Variants in GSE1 observed in about 807,000 individuals in gnomAD.
The protein encoded by GSE1 is genetic suppressor element 1.
In GSE1, 32 loss-of-function variants were observed where a neutral mutation model predicts 112.6. The ratio of observed to expected loss-of-function variants is 0.28; its 90% CI spans 0.21 to 0.38. The LOEUF is 0.38. Ranked by LOEUF, GSE1 falls within the 10% of genes least tolerant of loss-of-function variation. The probability of loss-of-function intolerance (pLI) is 1.00; values close to 1 mark genes in which losing one functional copy is unlikely to be tolerated. For missense variants in GSE1, 2,348 were observed against 1,699.2 expected (o/e 1.38, Z -6.71); for synonymous variants, 1,115 against 735.6 (o/e 1.52, Z -8.35).
chr16:85,615,464 AGGGGAAGCT>A (rs1333543087), intron 1 of GSE1, among the ~76,000 whole-genome samples: 4 of 152,040 alleles, frequency 2.6e-5, no homozygotes, highest in Admixed American at 6.5e-5. Context: ...CAAAGTCAGG[AGGGGAAGCT>A]GGGGAAGCTG....
intron 1 of GSE1, among the ~76,000 whole-genome samples, chr16:85,237,950 TA>T (rs1305236204): frequency 6.6e-6 from 1 of 151,888 alleles, no homozygotes; most frequent in East Asian, 1.9e-4. Flanking sequence ...TGGGACATCG[TA>T]GGAGTTTGCT....
At chr16:85,617,393 G>C (rs2048435635) in intron 1 of GSE1, among the ~76,000 whole-genome samples, 2 of 152,222 alleles carry the variant, frequency 1.3e-5, no homozygotes. Flanking sequence ...GGCTGCACTT[G>C]AGGCTTTTGT....
intron 2 of GSE1, among the ~76,000 whole-genome samples, chr16:85,425,827 A>T (rs1476733815): frequency 6.6e-6 from 1 of 152,250 alleles, no homozygotes; most frequent in Non-Finnish European, 1.5e-5. Flanking sequence ...AGTAAAAGGC[A>T]AGGAAGAATC....
chr16:85,580,927 A>G lies in GSE1; in HGVS notation c.37+24564A>G, dbSNP rs77038294. Among the ~76,000 whole-genome samples, 715 of 152,292 alleles carry G rather than the reference A, an allele frequency of 4.7e-3. 3 individuals are homozygous for G. The highest frequency in any genetic ancestry group is 6.3e-3 in the Non-Finnish European group (426 of 68,028). Reference sequence around the variant, plus strand: ...CAGCCTTAAGAACTATGAGAAAATAAATTTCTGTGTTTAAGCCACGAAGTC... The same window carrying G: ...CAGCCTTAAGAACTATGAGAAAATAGATTTCTGTGTTTAAGCCACGAAGTC... On this transcript the variant is annotated intron_variant, in intron 1 of 2. Transcript: ENST00000635906.
chr16:85,553,556 C>G (rs1004869976), upstream of GSE1, among the ~76,000 whole-genome samples: 4 of 151,988 alleles, frequency 2.6e-5, no homozygotes, highest in Non-Finnish European at 5.9e-5. Context: ...CGGGGCGCAG[C>G]AGCGAGCTTG....
chr16:85,576,918 T>C (rs2046250152), intron 1 of GSE1, among the ~76,000 whole-genome samples: 1 of 152,154 alleles, frequency 6.6e-6, no homozygotes, highest in African/African-American at 2.4e-5. Flanking sequence ...CAACACTGCC[T>C]GGTTTACAAG....
chr16:85,541,647 T>C (rs2044522545), intron 2 of GSE1, among the ~76,000 whole-genome samples: 1 of 152,126 alleles, frequency 6.6e-6, no homozygotes, highest in South Asian at 2.1e-4. Context: ...TGAGGTCCTG[T>C]TTCTGAGTTG....
chr16:85,450,164 C>G (rs1209037260), intron 2 of GSE1, among the ~76,000 whole-genome samples: 1 of 127,760 alleles, frequency 7.8e-6, no homozygotes, highest in African/African-American at 3.0e-5. Context: ...TCTTGTCGCC[C>G]AGGTTGGAGT....
At chr16:85,475,117 C>G (rs535590787) in intron 2 of GSE1, among the ~76,000 whole-genome samples, 1 of 152,202 alleles carries the variant, frequency 6.6e-6, no homozygotes, top group African/African-American at 2.4e-5. Context: ...CTCTGACGGG[C>G]AGTCCCTGCT....
At chr16:85,403,892 C>G (rs1001241136) in intron 2 of GSE1, among the ~76,000 whole-genome samples, 5 of 152,182 alleles carry the variant, frequency 3.3e-5, no homozygotes, top group African/African-American at 1.2e-4. Flanking sequence ...GCTGCACCCC[C>G]TTCAGAGGCT....
intron 2 of GSE1, among the ~76,000 whole-genome samples, chr16:85,514,353 C>G (rs2051847087): frequency 6.7e-6 from 1 of 149,398 alleles, no homozygotes; most frequent in African/African-American, 2.5e-5. Context: ...GCATTTCCTC[C>G]TTCGTGGGAC....
At chr16:85,575,647 C>T (rs1180889141) in intron 1 of GSE1, among the ~76,000 whole-genome samples, 3 of 152,034 alleles carry the variant, frequency 2.0e-5, no homozygotes, top group East Asian at 1.9e-4. Flanking sequence ...TTTTTCCTCC[C>T]CCTTAATAAT....
chr16:85,661,760 A>G lies in GSE1; in HGVS notation c.2255A>G (p.Glu752Gly). ...LEERRRREAQ[E>G]KGYYYDLDDS... The stretch of plus-strand genomic sequence containing the variant: ...GAGCGCAGGCGGCGGGAGGCCCAGG[A>G]GAAAGGTCTGCCTCCCCGCGGGCCC... The change falls in exon 9 of 16, where the codon GAG becomes GGG. Residue 752 changes from glutamate to glycine, a missense_variant. By Grantham distance (98) the Glu-to-Gly change is moderately conservative (BLOSUM62 -2). Transcript: ENST00000253458. The G allele has an allele frequency of 6.6e-7, 1 of 1,522,776 alleles. No individual in the cohort carries two copies. The highest frequency in any genetic ancestry group is 8.8e-7 in the Non-Finnish European group (1 of 1,131,370). The allele number at this position is 1,522,776 out of a possible 1,614,324, so 94.3% of individuals were successfully genotyped here. A position where few individuals can be genotyped will look rare whatever the true frequency, so the allele number is the denominator to read the frequency against.
intron 2 of GSE1, among the ~76,000 whole-genome samples, chr16:85,473,087 G>C (rs2050344117): frequency 1.3e-5 from 2 of 152,276 alleles, no homozygotes; most frequent in African/African-American, 4.8e-5. Flanking sequence ...GGCCTCTCGA[G>C]GGAGGACATT....
chr16:85,380,551 ACTGCCCGCCGGGGGAGGCCTCT>A (rs147784228), intron 2 of GSE1, among the ~76,000 whole-genome samples: 7,350 of 152,118 alleles, frequency 0.048, 576 homozygotes, highest in African/African-American at 0.17. Flanking sequence ...AGCTCCCAAC[ACTGCCCGCCGGGGGAGGCCTCT>A]CATCCCTCAT....
At chr16:85,460,680 G>C (rs2049945167) in intron 2 of GSE1, among the ~76,000 whole-genome samples, 1 of 152,242 alleles carries the variant, frequency 6.6e-6, no homozygotes, top group South Asian at 2.1e-4. Context: ...AAGACTTGAA[G>C]AGACGGGGGC....
intron 11 of GSE1, 92 bp downstream of exon 11, chr16:85,663,706 A>T: frequency 7.7e-7 from 1 of 1,294,558 alleles, no homozygotes; most frequent in Non-Finnish European, 1.1e-6. Flanking sequence ...TCCAGGCAGG[A>T]TCTGCGATCA....
At chr16:85,476,063 C>T (rs1477366857) in intron 2 of GSE1, among the ~76,000 whole-genome samples, 1 of 152,006 alleles carries the variant, frequency 6.6e-6, no homozygotes, top group Non-Finnish European at 1.5e-5. Flanking sequence ...CCCCAGGAGC[C>T]GGGACGACAG....
At chr16:85,275,590 A>G (rs9940513) in intron 1 of GSE1, among the ~76,000 whole-genome samples, 109,745 of 152,120 alleles carry the variant, frequency 0.72, 40,103 homozygotes, top group African/African-American at 0.84. Flanking sequence ...TCCCTGTGGC[A>G]TCCTCTCTGG....
Sources: allele counts gnomAD v4.1 joint callset (sites outside exome capture counted in the v4.1 genomes callset), GRCh38; gene constraint gnomAD v4.1.1; transcripts MANE v1.5; gene names NCBI Gene and HGNC (gene_info 2026-07-23, HGNC 2026-07-21).